PRIMA1: variants seen among roughly 807,000 people sequenced by gnomAD.
PRIMA1 encodes proline rich membrane anchor 1.
PRIMA1 carries 7 observed loss-of-function variants against 17.5 expected under a neutral mutation model. That is an observed-to-expected ratio of 0.40 (90% confidence interval 0.23 to 0.75). The LOEUF (loss-of-function observed/expected upper bound fraction) is 0.75. PRIMA1 is among the 30% of genes least tolerant of loss of function. The pLI, the probability that PRIMA1 is intolerant of heterozygous loss-of-function variation, is 0.37. For missense variants in PRIMA1, 200 were observed against 201.8 expected (o/e 0.99, Z 0.05); for synonymous variants, 97 against 77.9 (o/e 1.25, Z -1.29).
Position 93,718,637 on chromosome 14 carries a change from A to G in PRIMA1, c.*2807T>C, listed in dbSNP as rs2076018587. On this transcript the variant is annotated 3_prime_UTR_variant, in exon 5 of 5. Coordinates refer to ENST00000393140, the MANE Select transcript of PRIMA1 (RefSeq NM_178013.4). The stretch of plus-strand genomic sequence containing the variant: ...CAGAGAGTACAGTAGTTGTATTTAT[A>G]TATATATATATATGTAGAGATCTCT... The G allele has an allele frequency of 6.7e-6, 1 of 150,322 alleles. No homozygotes were observed. Among genetic ancestry groups the G allele is most frequent in the Non-Finnish European group, 1.5e-5 (1 of 67,360 alleles). 9.3% of individuals were successfully genotyped at this position (150,322 alleles called of 1,614,324 possible). A position where few individuals can be genotyped will look rare whatever the true frequency, so the allele number is the denominator to read the frequency against.
chr14:93,747,000 G>A (rs1436034636), intron 3 of PRIMA1, among the ~76,000 whole-genome samples: 1 of 152,196 alleles, frequency 6.6e-6, no homozygotes, highest in South Asian at 2.1e-4. Context: ...CAGTGAGAAA[G>A]CAGCTGGGGC....
chr14:93,737,272 G>C lies in PRIMA1; in HGVS notation c.328C>G (p.Leu110Val). 2.5e-6 allele frequency: 4 copies of C among 1,614,150 alleles called. No homozygotes were observed. Among genetic ancestry groups the C allele is most frequent in the Non-Finnish European group, 2.5e-6 (3 of 1,180,030 alleles). Reference protein sequence around the residue: ...CCASLVFLTVLVIICYKAIKR... With the variant: ...CCASLVFLTVVVIICYKAIKR... ...ATGGCTTTGTAGCAAATGATGACAA[G>C]CACAGTCAGAAACACCAGGGAGGCA... The change falls in exon 4 of 5, where the codon CTT becomes GTT. Residue 110 changes from leucine to valine, a missense_variant. Leu to Val is a conservative substitution (Grantham distance 32). Transcript: ENST00000393140.
intron 3 of PRIMA1, among the ~76,000 whole-genome samples, chr14:93,752,039 T>C (rs1318512362): frequency 1.3e-5 from 2 of 152,158 alleles, no homozygotes; most frequent in Non-Finnish European, 2.9e-5. Context: ...GAAAGTGTAT[T>C]GGGCCGTCCA....
At chr14:93,727,668 C>T (rs777353521) in intron 4 of PRIMA1, among the ~76,000 whole-genome samples, 2 of 152,142 alleles carry the variant, frequency 1.3e-5, no homozygotes, top group African/African-American at 2.4e-5. Context: ...GAAGGGCCTT[C>T]GGCTGAGGTC....
chr14:93,777,728 A>G (rs1432174817), intron 3 of PRIMA1, among the ~76,000 whole-genome samples: 4 of 152,182 alleles, frequency 2.6e-5, no homozygotes, highest in South Asian at 2.1e-4. Flanking sequence ...CTGGCAAACC[A>G]TTTCTGTGTT....
chr14:93,767,580 G>A lies in PRIMA1; in HGVS notation c.229+11596C>T, dbSNP rs542900948. On this transcript the variant is annotated intron_variant, in intron 3 of 4. Transcript: ENST00000393140. ...TGCATCACAGCCGATGCTGGGAATC[G>A]CAGAACAATGCCATCCTGAGACCAG... 1.3e-4 allele frequency among the ~76,000 whole-genome samples: 20 copies of A among 152,288 alleles called. No homozygotes were observed. In the South Asian group the frequency reaches 3.9e-3, roughly 30 times the overall value.
chr14:93,726,019 A>T lies in PRIMA1; in HGVS notation c.360-4473T>A, dbSNP rs117991917. ...GATGGCATGGTTCCTAGAAACCAAG[A>T]GAGAGGTTAGTGAGACTTTCCTTGG... On this transcript the variant is annotated intron_variant, in intron 4 of 4. Coordinates refer to ENST00000393140, the MANE Select transcript of PRIMA1 (RefSeq NM_178013.4). This position sits in a 1 kb window ranked among gnomAD's most constrained non-coding sequence, Gnocchi z 4.2. 113 of 456,592 alleles carry T rather than the reference A, an allele frequency of 2.5e-4. 3 individuals are homozygous for T. In the East Asian group the frequency reaches 7.4e-3, roughly 30 times the overall value. 28.3% of individuals were successfully genotyped at this position (456,592 alleles called of 1,614,324 possible). A position where few individuals can be genotyped will look rare whatever the true frequency, so the allele number is the denominator to read the frequency against.
chr14:93,787,663 A>T lies in PRIMA1; in HGVS notation c.56T>A (p.Leu19Gln), dbSNP rs1566980950. 1 of 1,543,760 alleles carries T rather than the reference A, an allele frequency of 6.5e-7. No individual in the cohort carries two copies. The highest frequency in any genetic ancestry group is 2.4e-5 in the East Asian group (1 of 40,904). The change falls in exon 2 of 5, where the codon CTG (leucine) becomes CAG (glutamine). Residue 19 changes from leucine (L) to glutamine (Q), a missense_variant. Leu to Gln is a moderately radical substitution (Grantham distance 113). Coordinates refer to ENST00000393140, the MANE Select transcript of PRIMA1 (RefSeq NM_178013.4). ...RRGCCWSSLL[L>Q]HCALHPLWGF... Reference sequence around the variant, plus strand: ...CCAGAGCGGGTGGAGCGCGCAGTGCAGCAGCAGCGAGGACCAGCAGCAGCC... The same window carrying T: ...CCAGAGCGGGTGGAGCGCGCAGTGCTGCAGCAGCGAGGACCAGCAGCAGCC...
rs1157727680 is a variant in PRIMA1, at chr14:93,737,339, T to C, written c.261A>G (p.Glu87=). Residue 87 remains glutamate, a synonymous_variant, in exon 4 of 5, where the codon GAA becomes GAG. Coordinates refer to ENST00000393140, the MANE Select transcript of PRIMA1 (RefSeq NM_178013.4). ...TGATCACCAGCCCCGACCACCAGCT[T>C]TCCTCAGTGGGGCAAGAGGTAGAGT... The part of the protein sequence containing the change: ...APNSTSCPTE[E]SWWSGLVIII... The C allele has an allele frequency of 1.2e-6, 2 of 1,614,014 alleles. No individual in the cohort carries two copies. The highest frequency in any genetic ancestry group is 4.5e-5 in the East Asian group (2 of 44,892).
At chr14:93,757,361 G>A (rs1347703198) in intron 3 of PRIMA1, among the ~76,000 whole-genome samples, 1 of 152,270 alleles carries the variant, frequency 6.6e-6, no homozygotes, top group Non-Finnish European at 1.5e-5. Context: ...GGAGGGATGG[G>A]AGGGATGAGC....
chr14:93,761,268 T>C (rs1399141367), intron 3 of PRIMA1, among the ~76,000 whole-genome samples: 10 of 152,150 alleles, frequency 6.6e-5, no homozygotes, highest in Non-Finnish European at 1.0e-4. Flanking sequence ...TGAGAATCGA[T>C]TGAACCCAGG....
rs1371800274 is a variant in PRIMA1 at position 93,720,888 on chromosome 14, A to T, written c.*556T>A. ...ATAGGAGGGAGAAGGCAGGCCCTGA[A>T]GATTGACAACAACTGCAGATGGGGC... is the stretch of plus-strand genomic sequence containing the variant. On this transcript the variant is annotated 3_prime_UTR_variant, in exon 5 of 5. Transcript: ENST00000393140. 1 of 153,154 alleles carries T rather than the reference A, an allele frequency of 6.5e-6. No individual in the cohort carries two copies. Among genetic ancestry groups the T allele is most frequent in the East Asian group, 1.9e-4 (1 of 5,210 alleles). 9.5% of individuals were successfully genotyped at this position (153,154 alleles called of 1,614,324 possible).
intron 2 of PRIMA1, among the ~76,000 whole-genome samples, chr14:93,784,854 C>A (rs1188430701): frequency 6.6e-6 from 1 of 152,184 alleles, no homozygotes; most frequent in Non-Finnish European, 1.5e-5. Flanking sequence ...ATCAGTGCCA[C>A]GAGGGAAGAG....
chr14:93,745,861 G>A (rs1388062239), intron 3 of PRIMA1, among the ~76,000 whole-genome samples: 1 of 152,230 alleles, frequency 6.6e-6, no homozygotes, highest in African/African-American at 2.4e-5. Flanking sequence ...CATTGACTCT[G>A]TTAGATTTAA....
At chr14:93,728,388 G>GA in intron 4 of PRIMA1, among the ~76,000 whole-genome samples, 1 of 152,332 alleles carries the variant, frequency 6.6e-6, no homozygotes, top group Non-Finnish European at 1.5e-5. Context: ...CAGGGGATGA[G>GA]AAGGACCCTG....
In PRIMA1 at chr14:93,767,284, G is replaced by A. The variant is rs1566974763; in HGVS notation, c.229+11892C>T. On this transcript the variant is annotated intron_variant, in intron 3 of 4. Transcript: ENST00000393140. ...TTCAAAACAACCCTACTGAGTAAGT[G>A]GTGGGCTGACTCCCATTTTACAGAT... Among the ~76,000 whole-genome samples the A allele has an allele frequency of 2.6e-5, 4 of 152,216 alleles. No homozygotes were observed. In the South Asian group the frequency reaches 6.2e-4, roughly 24 times the overall value.
chr14:93,747,769 AGAGT>A lies in PRIMA1; in HGVS notation c.230-10403_230-10400del, dbSNP rs1262179453. On this transcript the variant is annotated intron_variant, in intron 3 of 4. Coordinates refer to ENST00000393140, the MANE Select transcript of PRIMA1 (RefSeq NM_178013.4). ...AGTGTGTGGAGTGCAAGTGTGTGGG[AGAGT>A]GTGTGTATGAGTATGTGAGAGTGTA... 8.6e-5 allele frequency among the ~76,000 whole-genome samples: 12 copies of A among 139,682 alleles called. No individual in the cohort carries two copies. In the East Asian group the frequency reaches 1.5e-3, roughly 17 times the overall value. The allele number at this position is 139,682 out of a possible 152,430, so 91.6% of individuals were successfully genotyped here.
At chr14:93,762,963 T>A (rs1370073002) in intron 3 of PRIMA1, among the ~76,000 whole-genome samples, 1 of 152,142 alleles carries the variant, frequency 6.6e-6, no homozygotes, top group South Asian at 2.1e-4. Flanking sequence ...TCTGCCAGCC[T>A]CCACTCAAAT....
At chr14:93,747,126 G>A (rs188061469) in intron 3 of PRIMA1, among the ~76,000 whole-genome samples, 2 of 152,156 alleles carry the variant, frequency 1.3e-5, no homozygotes, top group South Asian at 2.1e-4. Flanking sequence ...GGGAGAAGAG[G>A]GCCAAGGCCT....
Sources: allele counts gnomAD v4.1 joint callset (sites outside exome capture counted in the v4.1 genomes callset), GRCh38; gene constraint gnomAD v4.1.1; non-coding constraint Gnocchi (gnomAD v3.1); transcripts MANE v1.5; gene names NCBI Gene and HGNC (gene_info 2026-07-23, HGNC 2026-07-21).